Variants in HS6ST3 observed in about 807,000 individuals in gnomAD.
HS6ST3 encodes the protein heparan-sulfate 6-O-sulfotransferase 3.
HS6ST3 carries 12 observed loss-of-function variants against 36.7 expected under a neutral mutation model. That is an observed-to-expected ratio of 0.33 (90% CI 0.21 to 0.53). The LOEUF (loss-of-function observed/expected upper bound fraction) is 0.53, where lower values mean the gene tolerates loss of function less well. Among genes scored for constraint, HS6ST3 ranks in the 20% least tolerant of loss-of-function variants. HS6ST3 has a pLI of 0.95. For missense variants in HS6ST3, 584 were observed against 640.9 expected (o/e 0.91, Z 0.96); for synonymous variants, 240 against 257.5 (o/e 0.93, Z 0.65).
intron 1 of HS6ST3, among the ~76,000 whole-genome samples, chr13:96,203,165 T>G (rs901357152): frequency 3.9e-5 from 6 of 152,194 alleles, no homozygotes. Flanking sequence ...CCGTTTGCGC[T>G]GCTATAGCAG....
intron 1 of HS6ST3, among the ~76,000 whole-genome samples, chr13:96,341,007 C>T (rs577308474): frequency 6.6e-6 from 1 of 152,212 alleles, no homozygotes; most frequent in East Asian, 1.9e-4. Flanking sequence ...TAGTCTTCTA[C>T]AGTGTTGGGA....
At chr13:96,339,541 A>G (rs2055119578) in intron 1 of HS6ST3, among the ~76,000 whole-genome samples, 1 of 152,208 alleles carries the variant, frequency 6.6e-6, no homozygotes, top group South Asian at 2.1e-4. Context: ...CCACTAAAGT[A>G]AAAGCCAAGG....
At chr13:96,660,883 G>T (rs907865021) in intron 1 of HS6ST3, among the ~76,000 whole-genome samples, 8 of 152,130 alleles carry the variant, frequency 5.3e-5, no homozygotes, top group African/African-American at 1.4e-4. Context: ...CCCACAAGGT[G>T]GCTGCCAGTG....
At chr13:96,204,311 C>T (rs538184606) in intron 1 of HS6ST3, among the ~76,000 whole-genome samples, 1 of 152,162 alleles carries the variant, frequency 6.6e-6, no homozygotes, top group Admixed American at 6.5e-5. Context: ...AACTATCCCA[C>T]ACAGATATGC....
chr13:96,315,420 T>C (rs1304954895), intron 1 of HS6ST3, among the ~76,000 whole-genome samples: 1 of 152,192 alleles, frequency 6.6e-6, no homozygotes, highest in East Asian at 1.9e-4. Flanking sequence ...AGTGTAAGAA[T>C]ATGCTTTTAA....
At chr13:96,786,289 G>C (rs1229233574) in intron 1 of HS6ST3, among the ~76,000 whole-genome samples, 9 of 150,266 alleles carry the variant, frequency 6.0e-5, no homozygotes, top group Non-Finnish European at 5.9e-5. Context: ...ACCCCATTCT[G>C]CTCCAGTTCC....
At chr13:96,402,304 G>A (rs117605864) in intron 1 of HS6ST3, among the ~76,000 whole-genome samples, 2 of 152,258 alleles carry the variant, frequency 1.3e-5, no homozygotes, top group Non-Finnish European at 2.9e-5. Context: ...TCATAAAATT[G>A]TAATGAGGAT....
At chr13:96,099,832 C>G (rs1435996082) in intron 1 of HS6ST3, among the ~76,000 whole-genome samples, 1 of 152,078 alleles carries the variant, frequency 6.6e-6, no homozygotes, top group African/African-American at 2.4e-5. Flanking sequence ...AAGCGTAAAC[C>G]TGAGAGATGG....
intron 1 of HS6ST3, among the ~76,000 whole-genome samples, chr13:96,388,297 T>A (rs2055378437): frequency 6.6e-6 from 1 of 152,220 alleles, no homozygotes; most frequent in African/African-American, 2.4e-5. Context: ...GAATTGTAAT[T>A]AAAAGAATTT....
chr13:96,377,371 CAATAATAATT>C (rs1311464295), intron 1 of HS6ST3, among the ~76,000 whole-genome samples: 3 of 151,762 alleles, frequency 2.0e-5, no homozygotes, highest in Non-Finnish European at 4.4e-5. Flanking sequence ...ACAACAACAA[CAATAATAATT>C]AATAATAATA....
chr13:96,524,651 C>T (rs925103693), intron 1 of HS6ST3, among the ~76,000 whole-genome samples: 4 of 152,220 alleles, frequency 2.6e-5, no homozygotes, highest in African/African-American at 4.8e-5. Flanking sequence ...GCGCTAACAG[C>T]GAGCAAGGCT....
chr13:96,508,607 T>G lies in HS6ST3; in HGVS notation c.708-323883T>G, dbSNP rs60865908. Among the ~76,000 whole-genome samples the G allele has an allele frequency of 3.1e-3, 476 of 152,232 alleles. 4 individuals are homozygous for G. Among genetic ancestry groups the G allele is most frequent in the East Asian group, 0.015 (77 of 5,170 alleles). Reference sequence around the variant, plus strand: ...TGTGTACTCATAGCTTAGCTCTCACTTATAAGTGAAAACATATGGCTTTTG... The same window carrying G: ...TGTGTACTCATAGCTTAGCTCTCACGTATAAGTGAAAACATATGGCTTTTG... On this transcript the variant is annotated intron_variant, in intron 1 of 1. Coordinates refer to ENST00000376705, the MANE Select transcript of HS6ST3 (RefSeq NM_153456.4).
chr13:96,300,476 G>A lies in HS6ST3; in HGVS notation c.707+208907G>A, dbSNP rs1047731719. 2.0e-5 allele frequency among the ~76,000 whole-genome samples: 3 copies of A among 151,920 alleles called. 1 individual carries two copies. Among genetic ancestry groups the A allele is most frequent in the African/African-American group, 7.3e-5 (3 of 41,338 alleles). On this transcript the variant is annotated intron_variant, in intron 1 of 1. Transcript: ENST00000376705. ...CACCAGGTCCCTCCTCCAACACTGG[G>A]GATTACAATTAAATCTGAGCTTTGG...
chr13:96,780,947 TATTAAG>T (rs1877509714), intron 1 of HS6ST3, among the ~76,000 whole-genome samples: 1 of 151,672 alleles, frequency 6.6e-6, no homozygotes, highest in Admixed American at 6.6e-5. Flanking sequence ...ATCTCAGGCC[TATTAAG>T]AGCCAGCAAC....
At chr13:96,102,620 T>G (rs1001579374) in intron 1 of HS6ST3, among the ~76,000 whole-genome samples, 6 of 152,268 alleles carry the variant, frequency 3.9e-5, no homozygotes, top group Non-Finnish European at 7.3e-5. Context: ...TTATGTGTGC[T>G]ATAAAGAATA....
At position 96,169,123 on chromosome 13, in the gene HS6ST3, C is replaced by T. The variant is rs184003484; in HGVS notation, c.707+77554C>T. On this transcript the variant is annotated intron_variant, in intron 1 of 1. Transcript: ENST00000376705. Reference sequence around the variant, plus strand: ...ACCTAGCACTGCAAAGGGCTGCAACCTTATCCTAGAATCAGCATATCAGAG... The same window carrying T: ...ACCTAGCACTGCAAAGGGCTGCAACTTTATCCTAGAATCAGCATATCAGAG... 1.4e-4 allele frequency among the ~76,000 whole-genome samples: 21 copies of T among 152,240 alleles called. No individual in the cohort carries two copies. The Middle Eastern group carries it at 0.01, about 74-fold the overall frequency.
intron 1 of HS6ST3, among the ~76,000 whole-genome samples, chr13:96,529,772 G>A (rs1267172941): frequency 6.6e-6 from 1 of 152,034 alleles, no homozygotes; most frequent in Non-Finnish European, 1.5e-5. Flanking sequence ...CATTTGTAAT[G>A]GCTTTCTTCT....
At chr13:96,430,515 AT>A (rs1200563362) in intron 1 of HS6ST3, among the ~76,000 whole-genome samples, 6 of 152,058 alleles carry the variant, frequency 3.9e-5, no homozygotes, top group Admixed American at 1.3e-4. Flanking sequence ...TGAGGCCCTC[AT>A]TGTTGCCATG....
chr13:96,583,240 G>A (rs2056348943), intron 1 of HS6ST3, among the ~76,000 whole-genome samples: 1 of 79,818 alleles, frequency 1.3e-5, no homozygotes, highest in Non-Finnish European at 2.3e-5. Flanking sequence ...TTGAGACGGA[G>A]TCTTGCTCTG....
Sources: allele counts gnomAD v4.1 joint callset (sites outside exome capture counted in the v4.1 genomes callset), GRCh38; gene constraint gnomAD v4.1.1; transcripts MANE v1.5; gene names NCBI Gene and HGNC (gene_info 2026-07-23, HGNC 2026-07-21).